Variants in CD47 observed in about 807,000 individuals in gnomAD.
CD47 encodes CD47 molecule, also known as leukocyte surface antigen CD47.
CD47 carries 11 observed loss-of-function variants against 44.6 expected under a neutral mutation model. The ratio of observed to expected loss-of-function variants is 0.25; its 90% CI spans 0.16 to 0.41. The LOEUF is 0.41. Among genes scored for constraint, CD47 ranks in the 10% least tolerant of loss-of-function variants. The pLI is 1.00. For missense variants in CD47, 306 were observed against 386.7 expected, an observed-to-expected ratio of 0.79 and a Z score of 1.75; for synonymous variants, 140 against 136.3, an observed-to-expected ratio of 1.03 and a Z score of -0.19.
intron 7 of CD47, chr3:108,052,468 C>G (rs2078845226): frequency 6.4e-6 from 1 of 156,058 alleles, no homozygotes; most frequent in African/African-American, 2.4e-5. Flanking sequence ...AGCTAACAAA[C>G]TAAAGAAAAT....
chr3:108,059,371 TTA>T (rs2078972743), intron 5 of CD47, 79 bp downstream of exon 5: 1 of 631,810 alleles, frequency 1.6e-6, no homozygotes, highest in East Asian at 3.1e-5. Context: ...TGTAAAAAAT[TTA>T]TATGAGCATT....
At chr3:108,060,652 T>C in intron 4 of CD47, 93 bp downstream of exon 4, 2 of 803,838 alleles carry the variant, frequency 2.5e-6, no homozygotes, top group Non-Finnish European at 4.2e-6. Context: ...TGGTCATCTG[T>C]TCCAACAGCC....
At chr3:108,050,498 T>C (rs1358812930) in intron 9 of CD47, 80 bp downstream of exon 9, 2 of 709,252 alleles carry the variant, frequency 2.8e-6, no homozygotes, top group Non-Finnish European at 5.0e-6. Context: ...TCCTAAGGCA[T>C]AGACAGGGCA....
At chr3:108,083,395 G>A (rs1012521813) in intron 1 of CD47, among the ~76,000 whole-genome samples, 1 of 151,972 alleles carries the variant, frequency 6.6e-6, no homozygotes, top group African/African-American at 2.4e-5. Context: ...ACAAGTTCAG[G>A]TTAGAAATTT....
chr3:108,058,789 C>G (rs2078961705), intron 5 of CD47, among the ~76,000 whole-genome samples: 1 of 152,184 alleles, frequency 6.6e-6, no homozygotes, highest in South Asian at 2.1e-4. Context: ...AACCATTATG[C>G]AAATACCTGA....
intron 3 of CD47, among the ~76,000 whole-genome samples, chr3:108,064,522 G>T (rs2079071330): frequency 6.6e-6 from 1 of 152,108 alleles, no homozygotes; most frequent in African/African-American, 2.4e-5. Context: ...TGTGACTGAT[G>T]AAATCTAATG....
chr3:108,078,116 T>C (rs2079343579), intron 2 of CD47, among the ~76,000 whole-genome samples: 1 of 152,074 alleles, frequency 6.6e-6, no homozygotes, highest in Non-Finnish European at 1.5e-5. Context: ...GAAGGGCACA[T>C]GGAAGCTCTC....
intron 10 of CD47, among the ~76,000 whole-genome samples, chr3:108,047,754 A>C (rs2078745173): frequency 6.6e-6 from 1 of 152,236 alleles, no homozygotes; most frequent in Non-Finnish European, 1.5e-5. Context: ...GTAAGCAATA[A>C]GCAGTTGTCA....
Position 108,045,889 on chromosome 3 carries a change from A to C in CD47, c.*1399T>G, listed in dbSNP as rs573548351. ...AAATATTTGCATCAAATATAATTCCACCCAATAAAGAACTTTGTATTTAAA... is the reference window on the plus strand; with the variant it reads ...AAATATTTGCATCAAATATAATTCCCCCCAATAAAGAACTTTGTATTTAAA... On this transcript the variant is annotated 3_prime_UTR_variant, in exon 11 of 11. Transcript: ENST00000361309. 5.9e-5 allele frequency: 9 copies of C among 152,314 alleles called. No individual in the cohort carries two copies. The highest frequency in any genetic ancestry group is 3.9e-4 in the Admixed American group (6 of 15,302). The allele number at this position is 152,314 out of a possible 1,614,324, so 9.4% of individuals were successfully genotyped here.
chr3:108,078,094 G>C (rs952095240), intron 2 of CD47, among the ~76,000 whole-genome samples: 13 of 151,996 alleles, frequency 8.6e-5, no homozygotes. Flanking sequence ...GAAACCATTG[G>C]GGGGACTGGG....
chr3:108,069,680 A>G (rs2079164013), intron 3 of CD47, among the ~76,000 whole-genome samples: 1 of 146,906 alleles, frequency 6.8e-6, no homozygotes, highest in Non-Finnish European at 1.5e-5. Flanking sequence ...AATGTCACCA[A>G]TGATAACGTC....
At chr3:108,068,813 A>G (rs1413246749) in intron 3 of CD47, among the ~76,000 whole-genome samples, 1 of 152,148 alleles carries the variant, frequency 6.6e-6, no homozygotes, top group African/African-American at 2.4e-5. Flanking sequence ...TATCATCAAC[A>G]CCTTTAAATG....
At chr3:108,054,387 G>C (rs1357123494) in intron 7 of CD47, 3 of 152,128 alleles carry the variant, frequency 2.0e-5, no homozygotes, top group Admixed American at 2.0e-4. Context: ...TACTTCAAAG[G>C]GACATCAGTC....
intron 1 of CD47, among the ~76,000 whole-genome samples, chr3:108,090,625 T>A (rs1177509905): frequency 1.3e-5 from 2 of 152,104 alleles, no homozygotes; most frequent in Non-Finnish European, 2.9e-5. Flanking sequence ...GTGGAGGAGA[T>A]GAGCCCCGCT....
intron 3 of CD47, among the ~76,000 whole-genome samples, chr3:108,070,181 A>G (rs2079175405): frequency 6.6e-6 from 1 of 152,186 alleles, no homozygotes; most frequent in Admixed American, 6.5e-5. Flanking sequence ...AATTCATAAA[A>G]TATACAACAG....
intron 8 of CD47, chr3:108,051,699 G>T (rs947270461): frequency 1.3e-5 from 8 of 617,116 alleles, no homozygotes; most frequent in Non-Finnish European, 2.5e-5. Context: ...TTCCAGTTTT[G>T]GGTGTGAGAA....
At chr3:108,060,212 T>C (rs1335617433) in intron 4 of CD47, among the ~76,000 whole-genome samples, 1 of 152,150 alleles carries the variant, frequency 6.6e-6, no homozygotes, top group Non-Finnish European at 1.5e-5. Context: ...TACCTCCTAA[T>C]CCCTAAAACC....
rs1245928160 is a variant in CD47, at chr3:108,046,381, A to G, written c.*907T>C. The G allele has an allele frequency of 1.3e-5, 2 of 152,644 alleles. No individual in the cohort carries two copies. Among genetic ancestry groups the G allele is most frequent in the Non-Finnish European group, 2.9e-5 (2 of 68,040 alleles). The allele number at this position is 152,644 out of a possible 1,614,324, so 9.5% of individuals were successfully genotyped here. On this transcript the variant is annotated 3_prime_UTR_variant, in exon 11 of 11. Transcript: ENST00000361309. ...CACTGTAGATTTTTGCCTTCAAATC[A>G]GAGGAAGGGAATACATATGTTACAA...
chr3:108,057,311 C>G (rs1377983271), intron 7 of CD47, among the ~76,000 whole-genome samples, 166 bp downstream of exon 7: 1 of 152,014 alleles, frequency 6.6e-6, no homozygotes, highest in Non-Finnish European at 1.5e-5. Flanking sequence ...CTGGAAGAAC[C>G]AACTAAAAAT....
Sources: gnomAD v4.1 joint callset for allele counts (sites outside exome capture counted in the v4.1 genomes callset) on GRCh38, gnomAD v4.1.1 for gene constraint, MANE v1.5 for transcripts, NCBI Gene and HGNC (gene_info 2026-07-23, HGNC 2026-07-21) for gene names.